Variants in PRKN observed in about 807,000 individuals in gnomAD.
The protein encoded by PRKN is parkin RBR E3 ubiquitin protein ligase.
In PRKN, 56 loss-of-function variants were observed where a neutral mutation model predicts 59.5. The observed-to-expected ratio is 0.94, with a 90% CI of 0.76 to 1.18. PRKN has a LOEUF of 1.18. Among genes scored for constraint, PRKN ranks in the 50% most tolerant of loss-of-function variants. The pLI, the probability that PRKN is intolerant of heterozygous loss-of-function variation, is 0.00. For synonymous variants in PRKN, 250 were observed against 222.1 expected, an observed-to-expected ratio of 1.13 and a Z score of -1.12; for missense variants, 657 against 596.4, an observed-to-expected ratio of 1.10 and a Z score of -1.06.
intron 6 of PRKN, among the ~76,000 whole-genome samples, chr6:161,874,290 TATATTAC>T (rs1794542027): frequency 6.7e-5 from 4 of 59,536 alleles, no homozygotes; most frequent in African/African-American, 2.8e-4. Context: ...TTATATATTA[TATATTAC>T]ATGTAAAATA....
chr6:161,771,083 G>A (rs1415493780), intron 7 of PRKN, among the ~76,000 whole-genome samples: 2 of 151,138 alleles, frequency 1.3e-5, no homozygotes, highest in African/African-American at 2.5e-5. Context: ...ATGGCCGGGC[G>A]CAGTGGCTCA....
At chr6:162,023,518 C>T (rs559296674) in intron 5 of PRKN, among the ~76,000 whole-genome samples, 90 of 152,188 alleles carry the variant, frequency 5.9e-4, no homozygotes, top group African/African-American at 1.9e-3. Context: ...TTCTGCTGGT[C>T]GCCTGCCGGT....
intron 7 of PRKN, among the ~76,000 whole-genome samples, chr6:161,652,298 C>G (rs7763093): frequency 0.5 from 76,030 of 151,970 alleles, 21,937 homozygotes; most frequent in African/African-American, 0.81. Context: ...TCAATGTCAG[C>G]AGAAAATGCA....
rs201554254 is a variant in PRKN at position 162,235,969 on chromosome 6, GA to G, written c.412+26555del. On this transcript the variant is annotated intron_variant, in intron 3 of 11. Coordinates refer to ENST00000366898, the MANE Select transcript of PRKN (RefSeq NM_004562.3). ...AGGAAGGAAGAAAGGAAGAAAGAAAGAAAGAAAGAAAGAAAGAAAGAAAGAA... is the reference window on the plus strand; with the variant it reads ...AGGAAGGAAGAAAGGAAGAAAGAAAGAAGAAAGAAAGAAAGAAAGAAAGAA... Among the ~76,000 whole-genome samples, 16 of 76,618 alleles carry G rather than the reference GA, an allele frequency of 2.1e-4. No individual in the cohort carries two copies. The South Asian group carries it at 3.0e-3, about 14-fold the overall frequency. The allele number at this position is 76,618 out of a possible 152,430, so 50.3% of individuals were successfully genotyped here. A position where few individuals can be genotyped will look rare whatever the true frequency, so the allele number is the denominator to read the frequency against.
intron 1 of PRKN, among the ~76,000 whole-genome samples, chr6:162,548,352 T>C (rs2803069): frequency 0.73 from 110,779 of 152,046 alleles, 41,214 homozygotes; most frequent in African/African-American, 0.81. Flanking sequence ...CCACCGTGCC[T>C]GGTCCTCTCT....
chr6:162,356,012 T>G (rs962952032), intron 2 of PRKN, among the ~76,000 whole-genome samples: 3 of 152,274 alleles, frequency 2.0e-5, no homozygotes, highest in East Asian at 3.9e-4. Flanking sequence ...TACAGGAGTC[T>G]TGTTGGTCCT....
At chr6:162,440,576 C>G (rs187897989) in intron 2 of PRKN, among the ~76,000 whole-genome samples, 2 of 152,208 alleles carry the variant, frequency 1.3e-5, no homozygotes, top group East Asian at 1.9e-4. Flanking sequence ...CACAATATCT[C>G]ATTTTGCATG....
At chr6:161,940,769 G>A (rs1476972414) in intron 6 of PRKN, among the ~76,000 whole-genome samples, 3 of 152,212 alleles carry the variant, frequency 2.0e-5, no homozygotes, top group Admixed American at 2.0e-4. Flanking sequence ...GGCAAGGGAA[G>A]AAGGTACATT....
intron 7 of PRKN, among the ~76,000 whole-genome samples, chr6:161,658,341 A>G (rs965555987): frequency 1.3e-5 from 2 of 152,220 alleles, no homozygotes; most frequent in Non-Finnish European, 2.9e-5. Flanking sequence ...TTCAATAAAG[A>G]GAAAAGAGTT....
At chr6:161,567,022 G>GTTT (rs71917520) in intron 8 of PRKN, among the ~76,000 whole-genome samples, 3,358 of 86,800 alleles carry the variant, frequency 0.039, 184 homozygotes, top group African/African-American at 0.1. Flanking sequence ...CACTGTCCTT[G>GTTT]TTTTTTTTTT....
At chr6:161,747,093 A>G (rs1788464575) in intron 7 of PRKN, among the ~76,000 whole-genome samples, 1 of 152,202 alleles carries the variant, frequency 6.6e-6, no homozygotes, top group Non-Finnish European at 1.5e-5. Flanking sequence ...CACTGGCAGA[A>G]TACAAATGCT....
chr6:161,977,746 A>C (rs1781102491), intron 5 of PRKN, among the ~76,000 whole-genome samples: 1 of 151,322 alleles, frequency 6.6e-6, no homozygotes. Context: ...ACGGGGTTTC[A>C]CCATGTTAGC....
chr6:161,990,567 G>A (rs1781607476), intron 5 of PRKN, among the ~76,000 whole-genome samples: 2 of 152,110 alleles, frequency 1.3e-5, no homozygotes, highest in Admixed American at 6.5e-5. Context: ...TTTTAAAAAT[G>A]TCTAAACAAA....
chr6:162,609,744 A>G (rs1348909828), intron 1 of PRKN, among the ~76,000 whole-genome samples: 1 of 152,188 alleles, frequency 6.6e-6, no homozygotes, highest in Non-Finnish European at 1.5e-5. Flanking sequence ...AATAAAACTA[A>G]TGCTCTACAA....
intron 2 of PRKN, among the ~76,000 whole-genome samples, chr6:162,326,423 T>C (rs1050202466): frequency 1.4e-4 from 22 of 152,174 alleles, no homozygotes; most frequent in Admixed American, 1.2e-3. Context: ...TCAATGAATT[T>C]AAGAGTTTTA....
At chr6:162,004,138 T>A (rs927113188) in intron 5 of PRKN, among the ~76,000 whole-genome samples, 15 of 152,122 alleles carry the variant, frequency 9.9e-5, no homozygotes, top group Non-Finnish European at 1.5e-4. Context: ...GGTCACCGGA[T>A]CATGTGGTTG....
At chr6:162,512,896 G>A (rs1232045677) in intron 1 of PRKN, among the ~76,000 whole-genome samples, 1 of 152,104 alleles carries the variant, frequency 6.6e-6, no homozygotes, top group Non-Finnish European at 1.5e-5. Flanking sequence ...GATCAGTCTA[G>A]CATACGGTGC....
At chr6:161,727,539 T>G (rs1213159249) in intron 7 of PRKN, among the ~76,000 whole-genome samples, 3 of 152,192 alleles carry the variant, frequency 2.0e-5, no homozygotes, top group African/African-American at 4.8e-5. Flanking sequence ...TCCAATTGAT[T>G]GTAGAGAAAG....
chr6:162,291,324 G>A (rs971929848), intron 2 of PRKN, among the ~76,000 whole-genome samples: 2 of 150,970 alleles, frequency 1.3e-5, no homozygotes, highest in East Asian at 2.0e-4. Context: ...GAGATTGCCT[G>A]GAACAAGCCT....
Sources: allele counts gnomAD v4.1 joint callset (sites outside exome capture counted in the v4.1 genomes callset), GRCh38; gene constraint gnomAD v4.1.1; transcripts MANE v1.5; gene names NCBI Gene and HGNC (gene_info 2026-07-23, HGNC 2026-07-21).